The following NBAS variants were observed in gnomAD, a reference collection of about 807,000 sequenced individuals.
The protein encoded by NBAS is NBAS subunit of NRZ tethering complex, also known as NAG/BC035112 fusion.
A neutral mutation model predicts 302.5 loss-of-function variants in NBAS; 219 were observed. The ratio of observed to expected loss-of-function variants is 0.72; its 90% CI spans 0.65 to 0.81. The LOEUF (loss-of-function observed/expected upper bound fraction) is 0.81. NBAS is among the 30% of genes least tolerant of loss of function. The pLI, the probability that NBAS is intolerant of heterozygous loss-of-function variation, is 0.00. For missense variants in NBAS, 2,932 were observed against 2,841.6 expected, an observed-to-expected ratio of 1.03 and a Z score of -0.72; for synonymous variants, 1,118 against 1,021.6, an observed-to-expected ratio of 1.09 and a Z score of -1.80.
At chr2:14,872,968 G>T in the NBAS span, among the ~76,000 whole-genome samples, 3 of 152,310 alleles carry the variant, frequency 2.0e-5, no homozygotes, top group African/African-American at 7.2e-5. Flanking sequence ...TACAGGCAGC[G>T]CAGACCCAGT....
the NBAS span, among the ~76,000 whole-genome samples, chr2:14,783,446 A>G: frequency 6.8e-6 from 1 of 146,914 alleles, no homozygotes; most frequent in Admixed American, 6.8e-5. Context: ...CATTAGGTAT[A>G]TCTCCTAATG....
chr2:15,273,370 T>A (rs910613246), intron 44 of NBAS, among the ~76,000 whole-genome samples: 1 of 152,254 alleles, frequency 6.6e-6, no homozygotes, highest in Non-Finnish European at 1.5e-5. Context: ...ATGCTGCTCC[T>A]ACTGGGCTAA....
At chr2:14,810,025 C>T in the NBAS span, among the ~76,000 whole-genome samples, 3 of 152,232 alleles carry the variant, frequency 2.0e-5, no homozygotes, top group African/African-American at 7.2e-5. Flanking sequence ...TTTGGAATGG[C>T]TGTATTTACC....
At chr2:15,528,018 C>T (rs1052680416) in intron 9 of NBAS, among the ~76,000 whole-genome samples, 2 of 152,114 alleles carry the variant, frequency 1.3e-5, no homozygotes, top group African/African-American at 2.4e-5. Flanking sequence ...GGGCCTCAAC[C>T]TGCCCTTCCC....
At chr2:15,218,473 G>A (rs1276684589) in intron 48 of NBAS, among the ~76,000 whole-genome samples, 2 of 152,114 alleles carry the variant, frequency 1.3e-5, no homozygotes, top group East Asian at 3.9e-4. Flanking sequence ...TGCCCAGGCT[G>A]GAGTGCAGTG....
intron 48 of NBAS, among the ~76,000 whole-genome samples, chr2:15,206,912 G>A (rs577273498): frequency 6.6e-6 from 1 of 152,290 alleles, no homozygotes; most frequent in South Asian, 2.1e-4. Flanking sequence ...CCTCTACTAG[G>A]GCAATGCAGA....
the NBAS span, among the ~76,000 whole-genome samples, chr2:15,043,825 C>G: frequency 6.6e-6 from 1 of 152,212 alleles, no homozygotes; most frequent in African/African-American, 2.4e-5. Flanking sequence ...CTCAGCATCT[C>G]ACCTTGGAGG....
chr2:15,030,612 G>A, the NBAS span, among the ~76,000 whole-genome samples: 1 of 152,162 alleles, frequency 6.6e-6, no homozygotes, highest in East Asian at 1.9e-4. Context: ...AGTGCCGTGT[G>A]TGTGAGGTTT....
At chr2:15,270,340 T>C (rs1393705407) in intron 44 of NBAS, among the ~76,000 whole-genome samples, 1 of 152,142 alleles carries the variant, frequency 6.6e-6, no homozygotes, top group Non-Finnish European at 1.5e-5. Flanking sequence ...AATTTTTGTA[T>C]TTTTAGTAGA....
At position 15,443,866 on chromosome 2, in the gene NBAS, A is replaced by G. The variant is rs187415509; in HGVS notation, c.2340-16072T>C. On this transcript the variant is annotated intron_variant, in intron 21 of 51. Transcript: ENST00000281513. ...CCTTCTTATACACCAATAACAGACA[A>G]ACAGAGAGCCAAAGCATGAGAGAAC... Among the ~76,000 whole-genome samples, 218 of 152,292 alleles carry G rather than the reference A, an allele frequency of 1.4e-3. 1 individual carries two copies. The highest frequency in any genetic ancestry group is 0.012 in the Admixed American group (180 of 15,304).
At chr2:15,021,211 T>C in the NBAS span, among the ~76,000 whole-genome samples, 7 of 151,864 alleles carry the variant, frequency 4.6e-5, no homozygotes, top group South Asian at 2.1e-4. Flanking sequence ...CCAGCCTGGG[T>C]GACAGACTGA....
At chr2:15,423,569 T>C (rs947507643) in intron 23 of NBAS, among the ~76,000 whole-genome samples, 1 of 152,176 alleles carries the variant, frequency 6.6e-6, no homozygotes, top group African/African-American at 2.4e-5. Context: ...TTACCTCCCA[T>C]GGTACTGCTG....
the NBAS span, among the ~76,000 whole-genome samples, chr2:14,956,808 C>T: frequency 6.6e-6 from 1 of 152,120 alleles, no homozygotes; most frequent in East Asian, 1.9e-4. Flanking sequence ...GTGGGGATTA[C>T]AGGAACTACA....
chr2:14,783,564 T>C, the NBAS span, among the ~76,000 whole-genome samples: 1 of 146,986 alleles, frequency 6.8e-6, no homozygotes, highest in East Asian at 2.1e-4. Context: ...AGTGAGAACA[T>C]GCGGTGTTTG....
chr2:15,145,397 T>A, the NBAS span, among the ~76,000 whole-genome samples: 3 of 90,806 alleles, frequency 3.3e-5, no homozygotes, highest in African/African-American at 8.5e-5. Context: ...ATGTGTTTGT[T>A]TGTATGTGTG....
the NBAS span, among the ~76,000 whole-genome samples, chr2:15,085,313 T>C: frequency 1.3e-5 from 2 of 152,108 alleles, no homozygotes; most frequent in African/African-American, 4.8e-5. Context: ...GGGTGCCGTG[T>C]TCCTGCGCCT....
At chr2:15,273,487 T>C (rs1669423511) in intron 44 of NBAS, among the ~76,000 whole-genome samples, 1 of 152,210 alleles carries the variant, frequency 6.6e-6, no homozygotes, top group African/African-American at 2.4e-5. Context: ...GATAGCACAG[T>C]TCAATGGTTA....
rs1240821812 is a variant in NBAS at position 15,528,897 on chromosome 2, A to G, written c.746+5646T>C. Among the ~76,000 whole-genome samples the G allele has an allele frequency of 1.9e-4, 27 of 142,568 alleles. 1 individual carries two copies. Among genetic ancestry groups the G allele is most frequent in the Middle Eastern group, 3.7e-3 (1 of 272 alleles). The allele number at this position is 142,568 out of a possible 152,430, so 93.5% of individuals were successfully genotyped here. ...AAAAAAAATATATATATATATATAT[A>G]TGTGTGTATATATATATACACACAC... On this transcript the variant is annotated intron_variant, in intron 9 of 51. Coordinates refer to ENST00000281513, the MANE Select transcript of NBAS (RefSeq NM_015909.4).
At chr2:15,198,742 C>T (rs1665732956) in intron 48 of NBAS, among the ~76,000 whole-genome samples, 1 of 152,162 alleles carries the variant, frequency 6.6e-6, no homozygotes, top group Admixed American at 6.5e-5. Context: ...CAAAATAGCA[C>T]AATACAAATG....
Sources: allele counts gnomAD v4.1 joint callset (sites outside exome capture counted in the v4.1 genomes callset), GRCh38; gene constraint gnomAD v4.1.1; transcripts MANE v1.5; gene names NCBI Gene and HGNC (gene_info 2026-07-23, HGNC 2026-07-21).